Variants in TP63 observed in about 807,000 individuals in gnomAD.
The protein encoded by TP63 is tumor protein p63, also known as tumor protein 63.
In TP63, 17 loss-of-function variants were observed where a neutral mutation model predicts 82.8. That is an observed-to-expected ratio of 0.21 (90% CI 0.14 to 0.31). The LOEUF (loss-of-function observed/expected upper bound fraction) is 0.31, where lower values mean the gene tolerates loss of function less well. TP63 is among the 10% of genes least tolerant of loss of function. TP63 has a pLI of 1.00. For synonymous variants in TP63, 330 were observed against 321.7 expected (o/e 1.03, Z -0.28); for missense variants, 648 against 895.3 (o/e 0.72, Z 3.52).
intron 4 of TP63, among the ~76,000 whole-genome samples, chr3:189,847,736 T>C (rs924192411): frequency 3.9e-4 from 59 of 152,292 alleles, no homozygotes; most frequent in African/African-American, 1.3e-3. Flanking sequence ...CTTAAAGCAA[T>C]GAGTGGGCAT....
intron 3 of TP63, among the ~76,000 whole-genome samples, chr3:189,793,122 C>T (rs1207234931): frequency 6.6e-6 from 1 of 151,996 alleles, no homozygotes; most frequent in African/African-American, 2.4e-5. Context: ...ATAGATTGCA[C>T]TACTTGTTTT....
At chr3:189,752,400 C>G (rs142845589) in intron 3 of TP63, among the ~76,000 whole-genome samples, 26 of 152,214 alleles carry the variant, frequency 1.7e-4, no homozygotes, top group African/African-American at 5.8e-4. Context: ...AGACTGGTCT[C>G]GAACTTCTGG....
intron 3 of TP63, among the ~76,000 whole-genome samples, chr3:189,754,711 C>CT (rs1722058698): frequency 6.6e-6 from 1 of 152,278 alleles, no homozygotes; most frequent in East Asian, 1.9e-4. Context: ...AACTTTAAGT[C>CT]TGACACCAAT....
chr3:189,753,076 G>C (rs1162580824), intron 3 of TP63, among the ~76,000 whole-genome samples: 1 of 152,010 alleles, frequency 6.6e-6, no homozygotes, highest in African/African-American at 2.4e-5. Context: ...TGTTTATCTT[G>C]ATGACTGTTT....
intron 1 of TP63, among the ~76,000 whole-genome samples, chr3:189,684,050 C>T (rs917142259): frequency 5.9e-5 from 9 of 152,160 alleles, no homozygotes; most frequent in Non-Finnish European, 1.0e-4. Flanking sequence ...GACGGTAATA[C>T]AAGGTGTGAG....
chr3:189,803,550 G>A (rs946231042), intron 3 of TP63, among the ~76,000 whole-genome samples: 1 of 152,192 alleles, frequency 6.6e-6, no homozygotes, highest in Non-Finnish European at 1.5e-5. Flanking sequence ...AACAGTTTGA[G>A]ATTCAGCTCC....
chr3:189,607,386 G>A, the TP63 span, among the ~76,000 whole-genome samples: 4 of 152,068 alleles, frequency 2.6e-5, no homozygotes, highest in African/African-American at 9.7e-5. Flanking sequence ...CAACTTTTCT[G>A]TAAATCAATA....
intron 3 of TP63, among the ~76,000 whole-genome samples, chr3:189,743,817 C>A (rs74983845): frequency 0.048 from 7,296 of 152,160 alleles, 337 homozygotes; most frequent in East Asian, 0.24. Flanking sequence ...GGAGAGGCTC[C>A]CTAATGTTGG....
At chr3:189,753,297 G>A (rs957682604) in intron 3 of TP63, among the ~76,000 whole-genome samples, 5 of 151,948 alleles carry the variant, frequency 3.3e-5, no homozygotes, top group East Asian at 1.9e-4. Flanking sequence ...AATATGTCAG[G>A]TTTTACTACA....
intron 1 of TP63, among the ~76,000 whole-genome samples, chr3:189,640,525 C>T (rs922472703): frequency 6.6e-6 from 1 of 152,144 alleles, no homozygotes; most frequent in African/African-American, 2.4e-5. Context: ...CACTGACACA[C>T]TTTTTACAGT....
At chr3:189,841,013 T>A (rs1392550313) in intron 4 of TP63, among the ~76,000 whole-genome samples, 1 of 152,142 alleles carries the variant, frequency 6.6e-6, no homozygotes, top group Non-Finnish European at 1.5e-5. Context: ...CATAAGTTTA[T>A]ATATATGTAT....
chr3:189,603,650 T>TAAAA, the TP63 span, among the ~76,000 whole-genome samples: 1 of 50,788 alleles, frequency 2.0e-5, no homozygotes, highest in African/African-American at 8.1e-5. Flanking sequence ...TTGCCTTCAT[T>TAAAA]AAAAAAAAAA....
intron 4 of TP63, among the ~76,000 whole-genome samples, chr3:189,835,140 G>A (rs899552246): frequency 6.6e-6 from 1 of 152,068 alleles, no homozygotes; most frequent in Admixed American, 6.5e-5. Flanking sequence ...AAGCTCTAGA[G>A]TTTCAGGATT....
At chr3:189,737,674 TA>T in intron 1 of TP63, 65 bp from the exon 2 acceptor site, 1 of 1,557,100 alleles carries the variant, frequency 6.4e-7, no homozygotes, top group Non-Finnish European at 8.9e-7. Context: ...GAGTATGCTT[TA>T]ATTTAAATAT....
At chr3:189,766,416 G>GTT (rs1209957723) in intron 3 of TP63, among the ~76,000 whole-genome samples, 1 of 147,598 alleles carries the variant, frequency 6.8e-6, no homozygotes, top group African/African-American at 2.6e-5. Context: ...TTCCTAATCA[G>GTT]GTTTTTTTTT....
chr3:189,691,393 A>G (rs575343185), intron 1 of TP63, among the ~76,000 whole-genome samples: 2 of 151,626 alleles, frequency 1.3e-5, no homozygotes, highest in Non-Finnish European at 2.9e-5. Context: ...AAGGTAATTG[A>G]CTGTGTATGG....
At chr3:189,660,208 C>T (rs563885363) in intron 1 of TP63, among the ~76,000 whole-genome samples, 3 of 151,914 alleles carry the variant, frequency 2.0e-5, no homozygotes, top group African/African-American at 7.2e-5. Flanking sequence ...ATCTTTAATC[C>T]GTTTTAATAT....
chr3:189,657,840 C>T (rs191691775), intron 1 of TP63, among the ~76,000 whole-genome samples: 193 of 152,154 alleles, frequency 1.3e-3, no homozygotes, highest in Admixed American at 0.012. Context: ...GCTCTACCAA[C>T]TGATGGCCTC....
intron 10 of TP63, among the ~76,000 whole-genome samples, chr3:189,874,995 TTTTTTC>T (rs1718873567): frequency 6.6e-6 from 1 of 151,500 alleles, no homozygotes. Context: ...TTTTTTTTTT[TTTTTTC>T]AGTTAATAAG....
Sources: gnomAD v4.1 joint callset for allele counts (sites outside exome capture counted in the v4.1 genomes callset) on GRCh38, gnomAD v4.1.1 for gene constraint, MANE v1.5 for transcripts, NCBI Gene and HGNC (gene_info 2026-07-23, HGNC 2026-07-21) for gene names.